The following CDIN1 variants were observed in gnomAD, a reference collection of about 807,000 sequenced individuals.
The protein encoded by CDIN1 is CDAN1-interacting nuclease 1.
CDIN1 carries 33 observed loss-of-function variants against 45.3 expected under a neutral mutation model. The ratio of observed to expected loss-of-function variants is 0.73; its 90% CI spans 0.55 to 0.97. The LOEUF (loss-of-function observed/expected upper bound fraction) is 0.97, where lower values mean the gene tolerates loss of function less well. Among genes scored for constraint, CDIN1 ranks in the 50% least tolerant of loss-of-function variants. The pLI is 0.00. For missense variants in CDIN1, 303 were observed against 339.4 expected (o/e 0.89, Z 0.84); for synonymous variants, 118 against 124.4 (o/e 0.95, Z 0.34).
At chr15:36,670,621 G>T (rs910955060) in intron 5 of CDIN1, among the ~76,000 whole-genome samples, 1 of 152,006 alleles carries the variant, frequency 6.6e-6, no homozygotes, top group East Asian at 1.9e-4. Flanking sequence ...TCTTCTCTCC[G>T]TAAATTATCA....
At chr15:36,742,223 A>G (rs2044263826) in intron 10 of CDIN1, among the ~76,000 whole-genome samples, 1 of 152,212 alleles carries the variant, frequency 6.6e-6, no homozygotes, top group Admixed American at 6.5e-5. Flanking sequence ...CAAAGACCCA[A>G]CTAGACAAGA....
intron 10 of CDIN1, among the ~76,000 whole-genome samples, chr15:36,779,883 G>A (rs1243058071): frequency 6.6e-6 from 1 of 152,182 alleles, no homozygotes; most frequent in Non-Finnish European, 1.5e-5. Flanking sequence ...TCTGAAGATG[G>A]TCCTATGAAA....
intron 1 of CDIN1, among the ~76,000 whole-genome samples, chr15:36,632,848 T>A (rs7168061): frequency 0.51 from 77,787 of 152,054 alleles, 20,203 homozygotes; most frequent in Admixed American, 0.59. Context: ...AGTTATTAGG[T>A]TTACTTCAGA....
At chr15:36,716,149 A>G (rs1012328459) in intron 10 of CDIN1, among the ~76,000 whole-genome samples, 11 of 152,320 alleles carry the variant, frequency 7.2e-5, no homozygotes, top group South Asian at 2.1e-4. Flanking sequence ...AAAGACATCT[A>G]AATGATTACT....
At chr15:36,742,143 A>C (rs990236711) in intron 10 of CDIN1, among the ~76,000 whole-genome samples, 2 of 152,182 alleles carry the variant, frequency 1.3e-5, no homozygotes, top group Non-Finnish European at 2.9e-5. Context: ...ACCTACAAAA[A>C]CTAGTGTGTA....
intron 1 of CDIN1, among the ~76,000 whole-genome samples, chr15:36,625,074 A>G (rs2140325835): frequency 6.6e-6 from 1 of 152,094 alleles, no homozygotes; most frequent in South Asian, 2.1e-4. Flanking sequence ...TTAGGAGATT[A>G]AGACCATCCT....
chr15:36,712,348 C>T (rs551081439), intron 10 of CDIN1, among the ~76,000 whole-genome samples: 3 of 143,312 alleles, frequency 2.1e-5, no homozygotes, highest in Non-Finnish European at 3.0e-5. Flanking sequence ...TCACTGAAAC[C>T]TCCACCTCCC....
At chr15:36,630,429 A>T (rs1168521882) in intron 1 of CDIN1, among the ~76,000 whole-genome samples, 2 of 152,208 alleles carry the variant, frequency 1.3e-5, no homozygotes, top group Non-Finnish European at 2.9e-5. Context: ...GATTCTAAAG[A>T]AGTTACCAAT....
intron 5 of CDIN1, among the ~76,000 whole-genome samples, chr15:36,676,293 G>T (rs1046566999): frequency 1.3e-5 from 2 of 152,054 alleles, no homozygotes; most frequent in African/African-American, 4.8e-5. Flanking sequence ...TGCCGAAAAA[G>T]AACACACTTT....
At chr15:36,796,058 AGTACT>A (rs1240914613) in intron 10 of CDIN1, among the ~76,000 whole-genome samples, 30 of 152,174 alleles carry the variant, frequency 2.0e-4, no homozygotes, top group Admixed American at 5.9e-4. Flanking sequence ...GCCTTTGGTT[AGTACT>A]TTACAGATAA....
intron 5 of CDIN1, among the ~76,000 whole-genome samples, chr15:36,680,762 G>A (rs1442996360): frequency 1.3e-5 from 2 of 152,162 alleles, no homozygotes; most frequent in Non-Finnish European, 2.9e-5. Flanking sequence ...CTTGGTGGAT[G>A]TGGCCTTGGG....
At chr15:36,691,233 T>A (rs1192084399) in intron 5 of CDIN1, 1 of 516,868 alleles carries the variant, frequency 1.9e-6, no homozygotes, top group African/African-American at 1.9e-5. Flanking sequence ...ATTGATATAA[T>A]TAAAGCATAT....
At chr15:36,762,541 C>T (rs1321236996) in intron 10 of CDIN1, among the ~76,000 whole-genome samples, 2 of 152,048 alleles carry the variant, frequency 1.3e-5, no homozygotes, top group African/African-American at 2.4e-5. Context: ...ATGTGCACAA[C>T]GTGCAGGTTA....
At chr15:36,784,636 G>A (rs968197520) in intron 10 of CDIN1, among the ~76,000 whole-genome samples, 2 of 152,150 alleles carry the variant, frequency 1.3e-5, no homozygotes, top group African/African-American at 4.8e-5. Flanking sequence ...ACACTTCACG[G>A]AGATTTTTTT....
chr15:36,674,889 T>G (rs149906501), intron 5 of CDIN1, among the ~76,000 whole-genome samples: 57 of 152,224 alleles, frequency 3.7e-4, no homozygotes, highest in South Asian at 2.9e-3. Context: ...TGTATAGATC[T>G]GTAGAAAGGT....
At chr15:36,666,557 T>A (rs963102995) in intron 5 of CDIN1, among the ~76,000 whole-genome samples, 1 of 152,236 alleles carries the variant, frequency 6.6e-6, no homozygotes, top group Non-Finnish European at 1.5e-5. Context: ...ATCGTGTTAT[T>A]TTCTCCCATT....
chr15:36,691,781 T>C lies in CDIN1; in HGVS notation c.426+17T>C. 6.4e-7 allele frequency: 1 copy of C among 1,551,412 alleles called. No individual in the cohort carries two copies. Among genetic ancestry groups the C allele is most frequent in the Non-Finnish European group, 8.8e-7 (1 of 1,133,188 alleles). On this transcript the variant is annotated intron_variant, in intron 6 of 10. Transcript: ENST00000566621. Reference sequence around the variant, plus strand: ...GTCTATCAGGTATTAATCACAGCTGTCTATTTTCAGTGGCAATGCTGTTAT... The same window carrying C: ...GTCTATCAGGTATTAATCACAGCTGCCTATTTTCAGTGGCAATGCTGTTAT...
At chr15:36,807,231 T>G (rs573312672) in intron 10 of CDIN1, among the ~76,000 whole-genome samples, 1 of 152,340 alleles carries the variant, frequency 6.6e-6, no homozygotes, top group East Asian at 1.9e-4. Context: ...GCAAGTACAC[T>G]ACAGCATATA....
chr15:36,704,100 T>G (rs1157900581), intron 8 of CDIN1, among the ~76,000 whole-genome samples: 1 of 152,184 alleles, frequency 6.6e-6, no homozygotes, highest in Admixed American at 6.6e-5. Flanking sequence ...AGAATTTTAC[T>G]TTCTTTGCTC....
Sources: allele counts gnomAD v4.1 joint callset (sites outside exome capture counted in the v4.1 genomes callset), GRCh38; gene constraint gnomAD v4.1.1; transcripts MANE v1.5; gene names NCBI Gene and HGNC (gene_info 2026-07-23, HGNC 2026-07-21).